The following PTPRD variants were observed in gnomAD, a reference collection of about 807,000 sequenced individuals.
PTPRD encodes protein tyrosine phosphatase receptor type D, also known as receptor-type tyrosine-protein phosphatase delta.
Under a neutral mutation model 214.5 loss-of-function variants are expected in PTPRD, and 34 were observed. That is an observed-to-expected ratio of 0.16 (90% CI 0.12 to 0.21). The LOEUF (loss-of-function observed/expected upper bound fraction) is 0.21. Ranked by LOEUF, PTPRD falls within the 10% of genes least tolerant of loss-of-function variation. The probability of loss-of-function intolerance (pLI) is 1.00; values close to 1 mark genes in which losing one functional copy is unlikely to be tolerated. For missense variants in PTPRD, 2,545 were observed against 2,398.7 expected (o/e 1.06, Z -1.27); for synonymous variants, 1,128 against 845.7 (o/e 1.33, Z -5.79).
At chr9:10,612,184 ATCGAAGTCT>A (rs2081184009) in intron 2 of PTPRD, among the ~76,000 whole-genome samples, 1 of 146,330 alleles carries the variant, frequency 6.8e-6, no homozygotes, top group Non-Finnish European at 1.5e-5. Flanking sequence ...CTGATCCCAT[ATCGAAGTCT>A]TCTAAGGGCT....
intron 4 of PTPRD, among the ~76,000 whole-genome samples, chr9:9,970,249 G>C (rs2094996966): frequency 2.0e-5 from 3 of 151,804 alleles, no homozygotes; most frequent in Admixed American, 2.0e-4. Flanking sequence ...AGGAGATCGA[G>C]ACCATCCTGG....
intron 9 of PTPRD, among the ~76,000 whole-genome samples, chr9:9,293,011 C>T (rs1309710725): frequency 6.6e-6 from 1 of 151,496 alleles, no homozygotes; most frequent in Non-Finnish European, 1.5e-5. Flanking sequence ...CTTTCTCTAC[C>T]AAAAAATATT....
chr9:9,281,007 C>T (rs900718542), intron 9 of PTPRD, among the ~76,000 whole-genome samples: 1 of 150,970 alleles, frequency 6.6e-6, no homozygotes, highest in Non-Finnish European at 1.5e-5. Context: ...AAATCAAAGG[C>T]AATACAATAG....
intron 11 of PTPRD, among the ~76,000 whole-genome samples, chr9:8,846,202 G>T (rs2097692065): frequency 6.6e-6 from 1 of 152,040 alleles, no homozygotes; most frequent in African/African-American, 2.4e-5. Flanking sequence ...TAATTACAGA[G>T]GAGCAATAGA....
chr9:9,695,200 C>T (rs1265681460), intron 7 of PTPRD, among the ~76,000 whole-genome samples: 3 of 152,106 alleles, frequency 2.0e-5, no homozygotes, highest in Non-Finnish European at 4.4e-5. Context: ...CTGGGTCCTT[C>T]CCTCCAAGGC....
At chr9:9,595,298 ATATAT>A (rs781521005) in intron 7 of PTPRD, among the ~76,000 whole-genome samples, 39,432 of 136,056 alleles carry the variant, frequency 0.29, 6,893 homozygotes, top group Non-Finnish European at 0.39. Context: ...TTATATATAT[ATATAT>A]ATATATATTA....
At chr9:10,488,197 C>G (rs1345909608) in intron 2 of PTPRD, among the ~76,000 whole-genome samples, 3 of 151,910 alleles carry the variant, frequency 2.0e-5, no homozygotes, top group African/African-American at 7.3e-5. Context: ...GAAACCCCAT[C>G]TCTACTAAAA....
intron 2 of PTPRD, among the ~76,000 whole-genome samples, chr9:10,471,833 C>T (rs570662056): frequency 6.6e-6 from 1 of 151,904 alleles, no homozygotes; most frequent in African/African-American, 2.4e-5. Context: ...AATGAAAACA[C>T]ACAAGTAAAT....
chr9:8,328,998 T>A (rs1285626035), intron 44 of PTPRD, among the ~76,000 whole-genome samples: 2 of 152,164 alleles, frequency 1.3e-5, no homozygotes, highest in Non-Finnish European at 2.9e-5. Flanking sequence ...CGGAGGAGTT[T>A]GTTATTACCC....
intron 2 of PTPRD, among the ~76,000 whole-genome samples, chr9:10,447,972 G>C (rs1396347076): frequency 6.6e-6 from 1 of 151,886 alleles, no homozygotes; most frequent in African/African-American, 2.4e-5. Flanking sequence ...GGCACACATA[G>C]TCCCCATTAT....
At chr9:9,631,337 C>G (rs1250728646) in intron 7 of PTPRD, among the ~76,000 whole-genome samples, 9 of 151,894 alleles carry the variant, frequency 5.9e-5, no homozygotes, top group Admixed American at 2.0e-4. Flanking sequence ...CAAGATACAG[C>G]TGAAGGAACG....
intron 10 of PTPRD, among the ~76,000 whole-genome samples, chr9:9,061,342 T>C (rs879292929): frequency 2.6e-5 from 4 of 152,364 alleles, no homozygotes; most frequent in Admixed American, 6.5e-5. Context: ...TTCCCATTTC[T>C]GTTTCAATGA....
chr9:9,794,121 A>T (rs2098985749), intron 5 of PTPRD, among the ~76,000 whole-genome samples: 2 of 151,756 alleles, frequency 1.3e-5, no homozygotes, highest in Admixed American at 1.3e-4. Context: ...ACAGATAAAC[A>T]TCTATTAAAA....
chr9:9,051,028 T>G (rs2099684202), intron 10 of PTPRD, among the ~76,000 whole-genome samples: 1 of 152,288 alleles, frequency 6.6e-6, no homozygotes, highest in South Asian at 2.1e-4. Context: ...CATTACTTTT[T>G]AATTTTTTCC....
intron 7 of PTPRD, among the ~76,000 whole-genome samples, chr9:9,578,624 T>C (rs941076606): frequency 2.0e-5 from 3 of 152,118 alleles, no homozygotes; most frequent in Non-Finnish European, 4.4e-5. Context: ...TTTAGGAAAA[T>C]AATATTTAAT....
intron 2 of PTPRD, among the ~76,000 whole-genome samples, chr9:10,525,727 A>AGTGTGTGTGTGTGTGT (rs398010299): frequency 0.014 from 1,997 of 146,990 alleles, 28 homozygotes; most frequent in African/African-American, 0.032. Flanking sequence ...AGATTTTCAA[A>AGTGTGTGTGTGTGTGT]GTGTGTGTGT....
intron 2 of PTPRD, among the ~76,000 whole-genome samples, chr9:10,364,087 C>T (rs113985662): frequency 0.12 from 16,841 of 144,790 alleles, 1,448 homozygotes; most frequent in African/African-American, 0.24. Flanking sequence ...ACAAGCTCCC[C>T]CTCCCGGGTT....
intron 12 of PTPRD, among the ~76,000 whole-genome samples, chr9:8,657,979 G>A (rs763224518): frequency 3.3e-5 from 5 of 151,440 alleles, no homozygotes; most frequent in Admixed American, 6.6e-5. Flanking sequence ...AATTTATTTG[G>A]GCTTGGCCAA....
At chr9:9,018,326 A>G (rs1296136611) in intron 11 of PTPRD, among the ~76,000 whole-genome samples, 1 of 152,178 alleles carries the variant, frequency 6.6e-6, no homozygotes, top group Non-Finnish European at 1.5e-5. Context: ...TAGAGGTCAC[A>G]CTAAGACAAT....
Sources: allele counts gnomAD v4.1 joint callset (sites outside exome capture counted in the v4.1 genomes callset), GRCh38; gene constraint gnomAD v4.1.1; transcripts MANE v1.5; gene names NCBI Gene and HGNC (gene_info 2026-07-23, HGNC 2026-07-21).